The following MAGEC3 variants were observed in gnomAD, a reference collection of about 807,000 sequenced individuals.
MAGEC3 encodes the protein melanoma-associated antigen C3.
A neutral mutation model predicts 35.3 loss-of-function variants in MAGEC3; 34 were observed. The ratio of observed to expected loss-of-function variants is 0.96; its 90% CI spans 0.73 to 1.28. The LOEUF (loss-of-function observed/expected upper bound fraction) is 1.28. MAGEC3 is among the 50% of genes most tolerant of loss of function. The probability of loss-of-function intolerance (pLI) is 0.00; values close to 1 mark genes in which losing one functional copy is unlikely to be tolerated. For synonymous variants in MAGEC3, 202 were observed against 185.6 expected (o/e 1.09, Z -0.72); for missense variants, 561 against 483.6 (o/e 1.16, Z -1.50).
intron 4 of MAGEC3, among the ~76,000 whole-genome samples, chrX:141,894,311 TAAA>T (rs1431919607): frequency 1.8e-5 from 2 of 111,807 alleles, no homozygotes; most frequent in African/African-American, 6.5e-5. Context: ...TAAAAATTAA[TAAA>T]AATTATAATA....
intron 4 of MAGEC3, among the ~76,000 whole-genome samples, chrX:141,890,372 T>C (rs1324224371): frequency 9.1e-6 from 1 of 110,285 alleles, no homozygotes; most frequent in Non-Finnish European, 1.9e-5. Flanking sequence ...GCCCAGCTAA[T>C]TTTTGTATTT....
At chrX:141,863,371 G>A (rs1165658563) in intron 1 of MAGEC3, among the ~76,000 whole-genome samples, 1 of 111,136 alleles carries the variant, frequency 9.0e-6, no homozygotes, top group Non-Finnish European at 1.9e-5. Flanking sequence ...ACGGTGAAAC[G>A]ATTCTATGTG....
In MAGEC3 at chrX:141,864,405, T is replaced by C. The variant is rs768224299; in HGVS notation, c.124-1066T>C. On this transcript the variant is annotated intron_variant, in intron 1 of 7. Transcript: ENST00000298296. ...GAGAACATAAGGTTTGCAAATTTAT[T>C]TCACACAGTAATGGTATTTCTGAGT... Among the ~76,000 whole-genome samples the C allele has an allele frequency of 2.3e-3, 215 of 92,500 alleles. 1 individual carries two copies. Among genetic ancestry groups the C allele is most frequent in the African/African-American group, 7.3e-3 (205 of 28,028 alleles). The allele number at this position is 92,500 out of a possible 115,157, so 80.3% of individuals were successfully genotyped here.
chrX:141,872,290 T>A (rs1378784644), intron 2 of MAGEC3, among the ~76,000 whole-genome samples: 5 of 110,568 alleles, frequency 4.5e-5, no homozygotes, highest in African/African-American at 1.7e-4. Flanking sequence ...GGCTTTAGGG[T>A]CTCCGTAAAC....
chrX:141,896,091 G>C (rs972154125), intron 6 of MAGEC3: 1 of 129,976 alleles, frequency 7.7e-6, no homozygotes, highest in Non-Finnish European at 1.5e-5. Context: ...TGGGGCTCTG[G>C]GAGTCTGGTC....
intron 1 of MAGEC3, among the ~76,000 whole-genome samples, chrX:141,859,952 C>G (rs150958556): frequency 1.1e-3 from 120 of 112,119 alleles, no homozygotes; most frequent in African/African-American, 3.6e-3. Context: ...CCTCTTCTGC[C>G]CTTCCCTCCT....
At chrX:141,847,614 C>A (rs1304191083) in intron 1 of MAGEC3, among the ~76,000 whole-genome samples, 1 of 111,326 alleles carries the variant, frequency 9.0e-6, no homozygotes, top group African/African-American at 3.2e-5. Context: ...TTTCAAATAA[C>A]CCATAGGCTA....
intron 1 of MAGEC3, among the ~76,000 whole-genome samples, chrX:141,862,301 G>A (rs1277829250): frequency 8.9e-6 from 1 of 111,835 alleles, no homozygotes; most frequent in Non-Finnish European, 1.9e-5. Flanking sequence ...TGGTGAGGAT[G>A]TGGGAAAAAG....
At chrX:141,883,117 G>T (rs2017978074) in intron 4 of MAGEC3, among the ~76,000 whole-genome samples, 1 of 111,898 alleles carries the variant, frequency 8.9e-6, no homozygotes, top group South Asian at 3.8e-4. Context: ...TAACTGGTGA[G>T]CTTGAACACA....
At chrX:141,850,004 A>C (rs1287867324) in intron 1 of MAGEC3, among the ~76,000 whole-genome samples, 1 of 111,731 alleles carries the variant, frequency 9.0e-6, no homozygotes, top group African/African-American at 3.2e-5. Context: ...TGGATTTTTT[A>C]AAATGTGGTA....
chrX:141,873,523 A>G (rs1256287522), intron 2 of MAGEC3, among the ~76,000 whole-genome samples: 1 of 111,487 alleles, frequency 9.0e-6, no homozygotes. Flanking sequence ...CTTGAAATGC[A>G]TGAGGCTAGA....
At chrX:141,841,759 T>G (rs900373244) in intron 1 of MAGEC3, among the ~76,000 whole-genome samples, 2 of 111,857 alleles carry the variant, frequency 1.8e-5, no homozygotes, top group Non-Finnish European at 3.8e-5. Flanking sequence ...TAGATGCCCC[T>G]TCACGGCTTT....
At chrX:141,841,208 G>C (rs990475725) in intron 1 of MAGEC3, among the ~76,000 whole-genome samples, 1 of 110,944 alleles carries the variant, frequency 9.0e-6, no homozygotes, top group African/African-American at 3.3e-5. Flanking sequence ...AAATAAAGCT[G>C]TACTTTGCAA....
intron 4 of MAGEC3, among the ~76,000 whole-genome samples, chrX:141,890,457 G>A (rs780664589): frequency 3.7e-5 from 4 of 108,995 alleles, no homozygotes; most frequent in East Asian, 2.8e-4. Flanking sequence ...TCTGCCCGCC[G>A]CAGTCTCCCA....
Position 141,839,653 on chromosome X carries a change from A to C in MAGEC3, c.123+1215A>C, listed in dbSNP as rs1251884448. The C allele has an allele frequency of 2.0e-5, 15 of 744,073 alleles. No homozygotes were observed. In the Admixed American group the frequency reaches 1.3e-3, roughly 65 times the overall value. The allele number at this position is 744,073 out of a possible 1,213,427, so 61.3% of individuals were successfully genotyped here. On this transcript the variant is annotated intron_variant, in intron 1 of 7. Transcript: ENST00000298296. The stretch of plus-strand genomic sequence containing the variant: ...TATCTTCAGTAGATTTTATTTTATA[A>C]ATATGAATTGTTTATATGCATTTCT...
rs2017913710 is a variant in MAGEC3 at position 141,875,353 on chromosome X, G to A, written c.259-3822G>A. ...TTTTTAATAAGTTGTCAGCCCTCAT[G>A]TTTATTTTATAACTTCTCTGAACCA... On this transcript the variant is annotated intron_variant, in intron 2 of 7. Coordinates refer to ENST00000298296, the MANE Select transcript of MAGEC3 (RefSeq NM_138702.1). Among the ~76,000 whole-genome samples, 4 of 111,899 alleles carry A rather than the reference G, an allele frequency of 3.6e-5. No homozygotes were observed. In the South Asian group the frequency reaches 1.5e-3, roughly 42 times the overall value.
rs150199301 is a variant in MAGEC3 at position 141,862,759 on chromosome X, G to A, written c.124-2712G>A. On this transcript the variant is annotated intron_variant, in intron 1 of 7. Transcript: ENST00000298296. ...ACATGGAGATAAAAAGTGGAATGAC[G>A]GACACCAGAGACTGGGGAGTGTGAG... 3.9e-3 allele frequency among the ~76,000 whole-genome samples: 434 copies of A among 112,043 alleles called. 1 individual carries two copies. Among genetic ancestry groups the A allele is most frequent in the African/African-American group, 0.014 (419 of 30,868 alleles).
intron 4 of MAGEC3, among the ~76,000 whole-genome samples, chrX:141,883,213 G>T (rs892013389): frequency 1.8e-5 from 2 of 112,257 alleles, no homozygotes; most frequent in Non-Finnish European, 3.8e-5. Flanking sequence ...CTGCCCAGAA[G>T]CTTCTAGGCT....
chrX:141,848,038 G>A (rs1432218779), intron 1 of MAGEC3, among the ~76,000 whole-genome samples: 1 of 110,024 alleles, frequency 9.1e-6, no homozygotes, highest in Admixed American at 9.7e-5. Flanking sequence ...CATCAACAGG[G>A]TATGCATGTG....
Sources: allele counts gnomAD v4.1 joint callset (sites outside exome capture counted in the v4.1 genomes callset), GRCh38; gene constraint gnomAD v4.1.1; transcripts MANE v1.5; gene names NCBI Gene and HGNC (gene_info 2026-07-23, HGNC 2026-07-21).